DDX17: variants seen among roughly 807,000 people sequenced by gnomAD.
DDX17 encodes DEAD-box helicase 17, also known as probable ATP-dependent RNA helicase DDX17.
Under a neutral mutation model 80.8 loss-of-function variants are expected in DDX17, and 10 were observed. That is an observed-to-expected ratio of 0.12 (90% confidence interval 0.08 to 0.21). The LOEUF (loss-of-function observed/expected upper bound fraction) is 0.21, where lower values mean the gene tolerates loss of function less well. Ranked by LOEUF, DDX17 falls within the 10% of genes least tolerant of loss-of-function variation. DDX17 has a pLI of 1.00. For missense variants in DDX17, 586 were observed against 957.4 expected, an observed-to-expected ratio of 0.61 and a Z score of 5.12; for synonymous variants, 339 against 336.2, an observed-to-expected ratio of 1.01 and a Z score of -0.09.
chr22:38,487,872 C>T lies in DDX17; in HGVS notation c.1684+7G>A. 1 of 1,614,028 alleles carries T rather than the reference C, an allele frequency of 6.2e-7. No homozygotes were observed. The highest frequency in any genetic ancestry group is 8.5e-7 in the Non-Finnish European group (1 of 1,180,032). On this transcript the variant is annotated splice_region_variant and intron_variant, in intron 12 of 12. Transcript: ENST00000403230. ...AGTACCTGGAAAACTCCAGGACTTA[C>T]CCTTACCCCCGCCTCCGCCGCCTCC...
At chr22:38,505,084 T>G (rs2089867581) in intron 1 of DDX17, 1 of 152,260 alleles carries the variant, frequency 6.6e-6, no homozygotes, top group Non-Finnish European at 1.5e-5. Flanking sequence ...AATTTTGTTA[T>G]TTTTAGTAGA....
In DDX17 at chr22:38,485,759, C is replaced by A; in HGVS notation, c.*176G>T. ...ATTTTGGTGGGCAGAAGAAACCTGG[C>A]AGTGAATTCTAACTAATCTGCATGA... On this transcript the variant is annotated 3_prime_UTR_variant, in exon 13 of 13. Transcript: ENST00000403230. The A allele has an allele frequency of 1.2e-6, 1 of 816,454 alleles. No individual in the cohort carries two copies. Among genetic ancestry groups the A allele is most frequent in the Non-Finnish European group, 1.7e-6 (1 of 596,904 alleles). 50.6% of individuals were successfully genotyped at this position (816,454 alleles called of 1,614,324 possible).
chr22:38,486,496 A>G, intron 12 of DDX17, 56 bp from the exon 13 acceptor site: 2 of 1,479,106 alleles, frequency 1.4e-6, no homozygotes, highest in Non-Finnish European at 1.8e-6. Context: ...TAAACATAAC[A>G]ATGTAAAAAT....
chr22:38,506,025 G>C lies in DDX17; in HGVS notation c.213C>G (p.Leu71=), dbSNP rs767765023. Reference sequence around the variant, plus strand: ...TGGTCCCAAAAGGATAGAGATCTGGGAGCGGGGCACGGATGGCCGGGCTCG... The same window carrying C: ...TGGTCCCAAAAGGATAGAGATCTGGCAGCGGGGCACGGATGGCCGGGCTCG... Residue 71 remains leucine (L), a synonymous_variant, in exon 1 of 13, where the codon CTC becomes CTG. Transcript: ENST00000403230. The C allele has an allele frequency of 2.5e-6, 4 of 1,590,628 alleles. No homozygotes were observed. Among genetic ancestry groups the C allele is most frequent in the Non-Finnish European group, 3.4e-6 (4 of 1,169,358 alleles).
At position 38,494,870 on chromosome 22, in the gene DDX17, T is replaced by C; in HGVS notation, c.1041+16A>G. ...GACAAATGGCATAAAGACTGCTTAT[T>C]ATTAGCTTTACACACCCTGATTTGG... On this transcript the variant is annotated intron_variant, in intron 7 of 12. Coordinates refer to ENST00000403230, the MANE Select transcript of DDX17 (RefSeq NM_006386.5). The C allele has an allele frequency of 6.2e-7, 1 of 1,613,930 alleles. No individual in the cohort carries two copies. The highest frequency in any genetic ancestry group is 1.1e-5 in the South Asian group (1 of 91,058).
intron 2 of DDX17, among the ~76,000 whole-genome samples, 166 bp downstream of exon 2, chr22:38,500,964 C>T (rs183793): frequency 1.7e-5 from 2 of 116,330 alleles, no homozygotes; most frequent in Non-Finnish European, 3.5e-5. Context: ...AACCCGGTCT[C>T]TACAAAAAGG....
In DDX17 at chr22:38,488,471, C is replaced by G. The variant is rs1019773704; in HGVS notation, c.1448-356G>C. On this transcript the variant is annotated intron_variant, in intron 11 of 12. Transcript: ENST00000403230. ...ATTCCAGTACTATCCTTTACAAAAC[C>G]AGAACATAGAACAAAGTGGTAAACC... is the stretch of plus-strand genomic sequence containing the variant. The G allele has an allele frequency of 2.7e-6, 3 of 1,131,424 alleles. No homozygotes were observed. In the African/African-American group the frequency reaches 4.8e-5, roughly 18 times the overall value. The allele number at this position is 1,131,424 out of a possible 1,614,324, so 70.1% of individuals were successfully genotyped here. A position where few individuals can be genotyped will look rare whatever the true frequency, so the allele number is the denominator to read the frequency against.
chr22:38,496,102 G>A (rs2089763572), intron 5 of DDX17, among the ~76,000 whole-genome samples, 165 bp from the exon 6 acceptor site: 1 of 151,978 alleles, frequency 6.6e-6, no homozygotes, highest in African/African-American at 2.4e-5. Flanking sequence ...TAGCACAATG[G>A]AATATAGAAA....
intron 10 of DDX17, among the ~76,000 whole-genome samples, chr22:38,493,163 A>T (rs1174378542): frequency 6.6e-6 from 1 of 152,186 alleles, no homozygotes; most frequent in South Asian, 2.1e-4. Context: ...CTATTTTTGC[A>T]AATAAATATT....
Position 38,502,947 on chromosome 22 carries a change from G to A in DDX17, c.288-1667C>T, listed in dbSNP as rs2082192386. ...AATTTCCTGCAATTCAAAGCCATTA[G>A]AACTCTGGCTTAACCAGCCAGACAT... On this transcript the variant is annotated intron_variant, in intron 1 of 12. Coordinates refer to ENST00000403230, the MANE Select transcript of DDX17 (RefSeq NM_006386.5). 2.0e-5 allele frequency among the ~76,000 whole-genome samples: 3 copies of A among 152,272 alleles called. No homozygotes were observed. In the South Asian group the frequency reaches 6.2e-4, roughly 32 times the overall value.
Position 38,485,917 on chromosome 22 carries a change from A to G in DDX17, c.*18T>C, listed in dbSNP as rs754360215. 6.2e-7 allele frequency: 1 copy of G among 1,613,148 alleles called. No homozygotes were observed. The highest frequency in any genetic ancestry group is 8.5e-7 in the Non-Finnish European group (1 of 1,179,788). On this transcript the variant is annotated 3_prime_UTR_variant, in exon 13 of 13. Transcript: ENST00000403230. ...AAATGTAATTAAGTCTGCTGGAGTCACTACCACTTGAGTGGTTTCATTTAC... is the reference window on the plus strand; with the variant it reads ...AAATGTAATTAAGTCTGCTGGAGTCGCTACCACTTGAGTGGTTTCATTTAC...
At chr22:38,493,041 A>G (rs1311302701) in intron 10 of DDX17, among the ~76,000 whole-genome samples, 1 of 152,250 alleles carries the variant, frequency 6.6e-6, no homozygotes, top group Non-Finnish European at 1.5e-5. Context: ...AAGAGCCAGC[A>G]TCGTGGCCCT....
Position 38,506,029 on chromosome 22 carries a change from G to T in DDX17, c.209C>A (p.Pro70Gln), listed in dbSNP as rs368728642. The T allele has an allele frequency of 2.4e-4, 383 of 1,589,610 alleles. No homozygotes were observed. The highest frequency in any genetic ancestry group is 3.2e-4 in the Non-Finnish European group (370 of 1,168,864). Residue 70 changes from proline (P) to glutamine (Q), a missense_variant, in exon 1 of 13, where the codon CCG becomes CAG. Transcript: ENST00000403230. ...CCCAAAAGGATAGAGATCTGGGAGC[G>T]GGGCACGGATGGCCGGGCTCGGGAG...
In DDX17 at chr22:38,498,112, T is replaced by C. The variant is rs778703302; in HGVS notation, c.711A>G (p.Pro237=). 11 of 1,614,004 alleles carry C rather than the reference T, an allele frequency of 6.8e-6. No individual in the cohort carries two copies. Among genetic ancestry groups the C allele is most frequent in the Non-Finnish European group, 8.5e-7 (1 of 1,180,006 alleles). ...TTGGGCCATCTCCCCTTTCCAAGTATGGCTGGTGGTTAATATGAACAATTG... is the reference window on the plus strand; with the variant it reads ...TTGGGCCATCTCCCCTTTCCAAGTACGGCTGGTGGTTAATATGAACAATTG... Residue 237 remains proline (P), a synonymous_variant, in exon 5 of 13, where the codon CCA becomes CCG. Transcript: ENST00000403230.
chr22:38,501,341 A>C, intron 1 of DDX17, 61 bp from the exon 2 acceptor site: 2 of 1,531,792 alleles, frequency 1.3e-6, no homozygotes, highest in Non-Finnish European at 1.8e-6. Context: ...CGTACATGCC[A>C]TAAGAATATT....
intron 6 of DDX17, among the ~76,000 whole-genome samples, chr22:38,495,438 G>T (rs544963930): frequency 6.6e-6 from 1 of 152,134 alleles, no homozygotes; most frequent in East Asian, 1.9e-4. Context: ...GTAGAGACGG[G>T]GTTTCACCAT....
Position 38,493,918 on chromosome 22 carries a change from T to C in DDX17, c.1325+103A>G, listed in dbSNP as rs2089736741. The C allele has an allele frequency of 3.4e-6, 4 of 1,187,442 alleles. 1 individual carries two copies. In the South Asian group the frequency reaches 5.3e-5, roughly 16 times the overall value. 73.6% of individuals were successfully genotyped at this position (1,187,442 alleles called of 1,614,324 possible). A position where few individuals can be genotyped will look rare whatever the true frequency, so the allele number is the denominator to read the frequency against. On this transcript the variant is annotated intron_variant, in intron 9 of 12. Coordinates refer to ENST00000403230, the MANE Select transcript of DDX17 (RefSeq NM_006386.5). ...GTGCTCATTAAAAGAGCAAACTGCA[T>C]GGATAGGCATTATTGAAATATTACA...
In DDX17 at chr22:38,501,120, G is replaced by A. The variant is rs1463514095; in HGVS notation, c.438+10C>T. ...ATAATCTGTACATTAAAACACACAT[G>A]TAAACTTACTGGTGTCAGCCTTGCT... is the stretch of plus-strand genomic sequence containing the variant. On this transcript the variant is annotated intron_variant, in intron 2 of 12. Coordinates refer to ENST00000403230, the MANE Select transcript of DDX17 (RefSeq NM_006386.5). The A allele has an allele frequency of 1.2e-6, 2 of 1,613,034 alleles. No individual in the cohort carries two copies. Among genetic ancestry groups the A allele is most frequent in the Non-Finnish European group, 1.7e-6 (2 of 1,179,770 alleles).
intron 10 of DDX17, chr22:38,493,257 CA>C (rs2089730495): frequency 6.5e-6 from 1 of 153,776 alleles, no homozygotes; most frequent in East Asian, 1.9e-4. Context: ...TGGCTCACTC[CA>C]ACCTGTCTCC....
Sources: allele counts gnomAD v4.1 joint callset (sites outside exome capture counted in the v4.1 genomes callset), GRCh38; gene constraint gnomAD v4.1.1; transcripts MANE v1.5; gene names NCBI Gene and HGNC (gene_info 2026-07-23, HGNC 2026-07-21).